The following PTPRE variants were observed in gnomAD, a reference collection of about 807,000 sequenced individuals.
PTPRE encodes the protein protein tyrosine phosphatase receptor type E.
In PTPRE, 51 loss-of-function variants were observed where a neutral mutation model predicts 102.0. That is an observed-to-expected ratio of 0.50 (90% CI 0.40 to 0.63). The LOEUF (loss-of-function observed/expected upper bound fraction) is 0.63. PTPRE is among the 30% of genes least tolerant of loss of function. The probability of loss-of-function intolerance (pLI) is 0.00; values close to 1 mark genes in which losing one functional copy is unlikely to be tolerated. For missense variants in PTPRE, 752 were observed against 915.1 expected, an observed-to-expected ratio of 0.82 and a Z score of 2.30; for synonymous variants, 345 against 348.2, an observed-to-expected ratio of 0.99 and a Z score of 0.10.
intron 1 of PTPRE, among the ~76,000 whole-genome samples, chr10:127,918,590 T>C (rs889430678): frequency 4.0e-5 from 6 of 150,408 alleles, no homozygotes; most frequent in African/African-American, 1.5e-4. Context: ...AAAATCTATA[T>C]GGAAGAAATG....
At chr10:128,056,309 C>A in intron 7 of PTPRE, 96 bp downstream of exon 7, 1 of 995,498 alleles carries the variant, frequency 1.0e-6, no homozygotes, top group Non-Finnish European at 1.6e-6. Context: ...ATTCCTGGTG[C>A]TCAGAGGCCC....
intron 2 of PTPRE, among the ~76,000 whole-genome samples, chr10:128,034,316 C>T (rs1044366747): frequency 1.3e-5 from 2 of 148,788 alleles, no homozygotes; most frequent in African/African-American, 5.0e-5. Context: ...AAACCCTCCC[C>T]TCCACACCAC....
rs1851222635 is a variant in PTPRE, at chr10:128,076,541, C to T, written c.1600-62C>T. ...TTTGAGAACAATTCTGTGTTATAAA[C>T]TCAAAATCGCCAGCAGCAAATTATT... is the stretch of plus-strand genomic sequence containing the variant. On this transcript the variant is annotated intron_variant, in intron 17 of 20. Coordinates refer to ENST00000254667, the MANE Select transcript of PTPRE (RefSeq NM_006504.6). 2.0e-6 allele frequency: 3 copies of T among 1,475,196 alleles called. No homozygotes were observed. In the African/African-American group the frequency reaches 4.3e-5, roughly 21 times the overall value. 91.4% of individuals were successfully genotyped at this position (1,475,196 alleles called of 1,614,324 possible).
Position 128,084,927 on chromosome 10 carries a change from CTT to C in PTPRE, c.*2022_*2023del, listed in dbSNP as rs1851988224. 7.1e-6 allele frequency: 2 copies of C among 283,200 alleles called. No homozygotes were observed. The highest frequency in any genetic ancestry group is 4.4e-5 in the African/African-American group (2 of 45,590). 17.5% of individuals were successfully genotyped at this position (283,200 alleles called of 1,614,324 possible). A position where few individuals can be genotyped will look rare whatever the true frequency, so the allele number is the denominator to read the frequency against. ...CCCTTTAATGGTCTAACTGGCATCT[CTT>C]GTATCAAGAAGTACCTTTAAGGTAG... On this transcript the variant is annotated 3_prime_UTR_variant, in exon 21 of 21. Coordinates refer to ENST00000254667, the MANE Select transcript of PTPRE (RefSeq NM_006504.6).
intron 1 of PTPRE, among the ~76,000 whole-genome samples, chr10:127,938,603 T>C (rs1253563521): frequency 6.6e-6 from 1 of 152,158 alleles, no homozygotes; most frequent in Non-Finnish European, 1.5e-5. Flanking sequence ...AATAAGTTTG[T>C]ATTTTCTTCA....
At chr10:127,961,634 AC>A (rs35818960) in intron 1 of PTPRE, among the ~76,000 whole-genome samples, 25,161 of 151,738 alleles carry the variant, frequency 0.17, 2,211 homozygotes, top group African/African-American at 0.22. Context: ...TAAGCGCTCC[AC>A]CCCCCAGCGA....
intron 2 of PTPRE, among the ~76,000 whole-genome samples, chr10:128,026,795 C>G (rs1442201628): frequency 6.6e-6 from 1 of 152,232 alleles, no homozygotes. Context: ...GGCCAGCTCA[C>G]CGTGGCTACA....
At position 128,079,657 on chromosome 10, in the gene PTPRE, A is replaced by G; in HGVS notation, c.1990A>G (p.Ser664Gly). Residue 664 changes from serine (S) to glycine (G), a missense_variant, in exon 20 of 21, where the codon AGT becomes GGT. Physicochemically the swap from Ser to Gly is moderately conservative, Grantham distance 56 (BLOSUM62 0). Transcript: ENST00000254667. ...GLLDVFQAVK[S>G]LRLQRPHMVQ... is the part of the protein sequence containing the mutation. ...TTTAGATGTATTTCAAGCTGTGAAG[A>G]GTTTACGACTTCAGAGACCACATAT... 6.2e-7 allele frequency: 1 copy of G among 1,613,998 alleles called. No homozygotes were observed. The highest frequency in any genetic ancestry group is 8.5e-7 in the Non-Finnish European group (1 of 1,179,830).
intron 2 of PTPRE, among the ~76,000 whole-genome samples, chr10:128,013,191 G>A (rs986673072): frequency 6.6e-6 from 1 of 152,146 alleles, no homozygotes; most frequent in Non-Finnish European, 1.5e-5. Flanking sequence ...AAAGAAAAAC[G>A]TAACCCTGGA....
At chr10:127,943,063 A>C (rs1228328589) in intron 1 of PTPRE, among the ~76,000 whole-genome samples, 2 of 152,040 alleles carry the variant, frequency 1.3e-5, no homozygotes, top group African/African-American at 4.8e-5. Context: ...CATGTGTTTT[A>C]TTCTTCTCTT....
At chr10:128,043,977 T>C (rs1215437356) in intron 3 of PTPRE, among the ~76,000 whole-genome samples, 1 of 152,224 alleles carries the variant, frequency 6.6e-6, no homozygotes, top group East Asian at 1.9e-4. Context: ...CAGTATCATT[T>C]TTTTTCTTTC....
chr10:128,059,837 C>A (rs77041435), intron 7 of PTPRE, among the ~76,000 whole-genome samples: 3,200 of 152,278 alleles, frequency 0.021, 57 homozygotes, highest in Non-Finnish European at 0.034. Flanking sequence ...CCTAAGATAA[C>A]CTTCTTAATA....
intron 17 of PTPRE, 91 bp downstream of exon 17, chr10:128,073,562 A>C: frequency 6.8e-7 from 1 of 1,471,934 alleles, no homozygotes; most frequent in Non-Finnish European, 9.1e-7. Context: ...ACCTGCCATC[A>C]CTGCAAACAC....
At chr10:127,927,299 C>CA (rs1439674734) in intron 1 of PTPRE, among the ~76,000 whole-genome samples, 2 of 152,180 alleles carry the variant, frequency 1.3e-5, no homozygotes, top group Non-Finnish European at 2.9e-5. Context: ...CATTGGAACA[C>CA]AAAACTATCA....
intron 1 of PTPRE, among the ~76,000 whole-genome samples, chr10:127,960,693 A>G (rs541664203): frequency 6.6e-6 from 1 of 152,304 alleles, no homozygotes; most frequent in Non-Finnish European, 1.5e-5. Flanking sequence ...ATTTATCAGC[A>G]TTTAGCCATT....
At chr10:128,067,515 CGCACACAT>C (rs1307533808) in intron 11 of PTPRE, among the ~76,000 whole-genome samples, 10 of 151,740 alleles carry the variant, frequency 6.6e-5, no homozygotes, top group East Asian at 1.9e-4. Flanking sequence ...CACATACATG[CGCACACAT>C]GCACACATAC....
At position 128,084,684 on chromosome 10, in the gene PTPRE, T is replaced by A. The variant is rs1251223153; in HGVS notation, c.*1778T>A. ...TTTTTGAGGCTCGCCAGGTCCCTTT[T>A]GTTTTCACCATTAAAATTCCAAACC... is the stretch of plus-strand genomic sequence containing the variant. On this transcript the variant is annotated 3_prime_UTR_variant, in exon 21 of 21. Transcript: ENST00000254667. 6.5e-6 allele frequency: 1 copy of A among 153,544 alleles called. No individual in the cohort carries two copies. The allele number at this position is 153,544 out of a possible 1,614,324, so 9.5% of individuals were successfully genotyped here. A position where few individuals can be genotyped will look rare whatever the true frequency, so the allele number is the denominator to read the frequency against.
At chr10:128,016,805 C>T (rs781468137) in intron 2 of PTPRE, among the ~76,000 whole-genome samples, 11 of 152,228 alleles carry the variant, frequency 7.2e-5, no homozygotes, top group Non-Finnish European at 1.3e-4. Flanking sequence ...AACAGACTCA[C>T]CTTGTTTAGC....
At chr10:128,059,139 G>A (rs1849278881) in intron 7 of PTPRE, among the ~76,000 whole-genome samples, 1 of 152,216 alleles carries the variant, frequency 6.6e-6, no homozygotes, top group Non-Finnish European at 1.5e-5. Flanking sequence ...ATTTTACCCT[G>A]TGCTTTTCTA....
Sources: allele counts gnomAD v4.1 joint callset (sites outside exome capture counted in the v4.1 genomes callset), GRCh38; gene constraint gnomAD v4.1.1; transcripts MANE v1.5; gene names NCBI Gene and HGNC (gene_info 2026-07-23, HGNC 2026-07-21).